Variants in LAMC3 observed in about 807,000 individuals in gnomAD.
The protein encoded by LAMC3 is laminin subunit gamma-3.
Under a neutral mutation model 173.8 loss-of-function variants are expected in LAMC3, and 128 were observed. The observed-to-expected ratio is 0.74, with a 90% CI of 0.64 to 0.85. The LOEUF is 0.85. Among genes scored for constraint, LAMC3 ranks in the 40% least tolerant of loss-of-function variants. LAMC3 has a pLI of 0.00. For synonymous variants in LAMC3, 897 were observed against 909.1 expected (o/e 0.99, Z 0.24); for missense variants, 2,022 against 2,156.0 (o/e 0.94, Z 1.23).
At chr9:131,028,031 A>G (rs1354481339) in intron 2 of LAMC3, among the ~76,000 whole-genome samples, 1 of 152,228 alleles carries the variant, frequency 6.6e-6, no homozygotes, top group Non-Finnish European at 1.5e-5. Context: ...GTACTGGTCC[A>G]TGGCCTGTTA....
chr9:131,063,172 G>A (rs1484086950), intron 13 of LAMC3, among the ~76,000 whole-genome samples: 4 of 152,238 alleles, frequency 2.6e-5, no homozygotes. Context: ...ACAGCCAACA[G>A]GGCAGGGCAG....
At chr9:131,051,609 C>T (rs985694156) in intron 9 of LAMC3, among the ~76,000 whole-genome samples, 1 of 152,070 alleles carries the variant, frequency 6.6e-6, no homozygotes, top group African/African-American at 2.4e-5. Context: ...GTGATCCACT[C>T]GCCTCAGCCT....
At chr9:131,041,797 A>G in intron 7 of LAMC3, 62 bp downstream of exon 7, 1 of 1,444,900 alleles carries the variant, frequency 6.9e-7, no homozygotes, top group Non-Finnish European at 9.6e-7. Context: ...CTGATGAGGC[A>G]CCAAAGCTGT....
Position 131,052,601 on chromosome 9 carries a change from G to A in LAMC3, c.1741G>A (p.Gly581Ser), listed in dbSNP as rs202042709. Residue 581 changes from glycine (G) to serine (S), a missense_variant, in exon 10 of 28, where the codon GGC (glycine) becomes AGC (serine). Coordinates refer to ENST00000361069, the MANE Select transcript of LAMC3 (RefSeq NM_006059.4). ...LPVQLRLEGT[G>S]LALSLRHSSL... ...TGTACAGCTGAGGCTGGAAGGGACA[G>A]GCTTGGCCCTGTCCCTGAGGCACTC... is the stretch of plus-strand genomic sequence containing the variant. 1.2e-6 allele frequency: 2 copies of A among 1,614,082 alleles called. No individual in the cohort carries two copies. Among genetic ancestry groups the A allele is most frequent in the Non-Finnish European group, 1.7e-6 (2 of 1,179,980 alleles).
Position 131,038,861 on chromosome 9 carries a change from T to C in LAMC3, c.977-3T>C. ...ACACACCTTTCCCCACTCCTGCCCATAGCCTGCAACTGCAGTGGCCGCTCC... is the reference window on the plus strand; with the variant it reads ...ACACACCTTTCCCCACTCCTGCCCACAGCCTGCAACTGCAGTGGCCGCTCC... On this transcript the variant is annotated splice_polypyrimidine_tract_variant and splice_region_variant and intron_variant, in intron 4 of 27. Transcript: ENST00000361069. 6.2e-7 allele frequency: 1 copy of C among 1,612,826 alleles called. No homozygotes were observed. Among genetic ancestry groups the C allele is most frequent in the Non-Finnish European group, 8.5e-7 (1 of 1,179,972 alleles).
At chr9:131,087,381 A>C in intron 25 of LAMC3, 95 bp from the exon 26 acceptor site, 1 of 1,458,504 alleles carries the variant, frequency 6.9e-7, no homozygotes, top group Non-Finnish European at 9.6e-7. Context: ...CCTGGTACAG[A>C]CAACTGCTTG....
Position 131,086,575 on chromosome 9 carries a change from C to CTTTTTTTTTTTTTTTTTTTTTTTT in LAMC3, c.4230+864_4230+865insTTTTTTTTTTTTTTTTTTTTTTTT, listed in dbSNP as rs778812487. Among the ~76,000 whole-genome samples the CTTTTTTTTTTTTTTTTTTTTTTTT allele has an allele frequency of 2.2e-5, 2 of 92,478 alleles. 1 individual carries two copies. 60.7% of individuals were successfully genotyped at this position (92,478 alleles called of 152,430 possible). On this transcript the variant is annotated intron_variant, in intron 25 of 27. Coordinates refer to ENST00000361069, the MANE Select transcript of LAMC3 (RefSeq NM_006059.4). ...GGTGTGTGCCACTGTGCCTGGCTAA[C>CTTTTTTTTTTTTTTTTTTTTTTTT]TTTTTTTTTTTTGCAGAGATGAGGA...
At chr9:131,079,529 C>G (rs1052432969) in intron 23 of LAMC3, among the ~76,000 whole-genome samples, 1 of 152,076 alleles carries the variant, frequency 6.6e-6, no homozygotes, top group African/African-American at 2.4e-5. Flanking sequence ...CCCATCTCTA[C>G]TAAAAATACA....
intron 2 of LAMC3, among the ~76,000 whole-genome samples, chr9:131,027,749 C>G (rs555297128): frequency 1.3e-5 from 2 of 152,332 alleles, no homozygotes; most frequent in South Asian, 4.1e-4. Context: ...GTGCTTGGCA[C>G]GTAGAGCGTG....
intron 6 of LAMC3, among the ~76,000 whole-genome samples, chr9:131,040,255 A>G (rs115816496): frequency 0.041 from 6,271 of 151,498 alleles, 456 homozygotes; most frequent in African/African-American, 0.14. Flanking sequence ...TCTACTCACT[A>G]CAACCTCCGC....
chr9:131,036,195 G>A lies in LAMC3; in HGVS notation c.839G>A (p.Cys280Tyr). The A allele has an allele frequency of 6.2e-7, 1 of 1,613,212 alleles. No homozygotes were observed. The highest frequency in any genetic ancestry group is 8.5e-7 in the Non-Finnish European group (1 of 1,179,900). The change falls in exon 4 of 28, where the codon TGC becomes TAC. Residue 280 changes from cysteine (C) to tyrosine (Y), a missense_variant. Coordinates refer to ENST00000361069, the MANE Select transcript of LAMC3 (RefSeq NM_006059.4). ...AAGTGCAACGGGCATGCCAGCGAGT[G>A]CGGCCCCGACGTGGCAGGCCAGTTG... ...RCKCNGHASE[C>Y]GPDVAGQLAC... is the part of the protein sequence containing the mutation.
At chr9:131,051,869 C>T (rs1834292528) in intron 9 of LAMC3, among the ~76,000 whole-genome samples, 1 of 151,984 alleles carries the variant, frequency 6.6e-6, no homozygotes, top group Non-Finnish European at 1.5e-5. Context: ...CCTCCTGGGT[C>T]ACGAACTTCT....
Position 131,026,559 on chromosome 9 carries a change from C to T in LAMC3, c.648C>T (p.Ala216=). ...CCACCCTGGAGGGCCGGCCCAGCGC[C>T]TACAACTTCGAGGAGAGCCCTGGGC... ...AFSTLEGRPS[A]YNFEESPGLQ... Residue 216 remains alanine (A), a synonymous_variant, in exon 2 of 28, where the codon GCC becomes GCT. Transcript: ENST00000361069. This position sits in a 1 kb window ranked among gnomAD's most constrained non-coding sequence, Gnocchi z 4.8. 6.2e-7 allele frequency: 1 copy of T among 1,605,752 alleles called. No homozygotes were observed.
chr9:131,052,414 C>A, intron 9 of LAMC3, 77 bp from the exon 10 acceptor site: 1 of 1,290,992 alleles, frequency 7.7e-7, no homozygotes, highest in Non-Finnish European at 1.1e-6. Flanking sequence ...TGTTTAGTTG[C>A]CGATAAAATC....
chr9:131,062,950 G>A (rs1301894812), intron 13 of LAMC3, among the ~76,000 whole-genome samples: 1 of 151,522 alleles, frequency 6.6e-6, no homozygotes, highest in East Asian at 1.9e-4. Context: ...TCTCCTCTCT[G>A]TCTCTATGAA....
At chr9:131,027,551 C>T (rs528943262) in intron 2 of LAMC3, among the ~76,000 whole-genome samples, 2 of 152,102 alleles carry the variant, frequency 1.3e-5, no homozygotes, top group East Asian at 3.9e-4. Flanking sequence ...CCACCAGCCA[C>T]CATGAGATGT....
At chr9:131,063,171 A>G (rs1829863301) in intron 13 of LAMC3, among the ~76,000 whole-genome samples, 1 of 152,242 alleles carries the variant, frequency 6.6e-6, no homozygotes, top group South Asian at 2.1e-4. Context: ...AACAGCCAAC[A>G]GGGCAGGGCA....
Position 131,057,104 on chromosome 9 carries a change from C to T in LAMC3, c.2115C>T (p.Val705=). The change falls in exon 12 of 28, where the codon GTC becomes GTT. Residue 705 remains valine, a synonymous_variant. Transcript: ENST00000361069. ...AGGGGGGTCCCTATGCCAGCTGTGT[C>T]CCCTGCACCTGTAACCAGCATGGCA... ...MPQGGPYASC[V]PCTCNQHGTC... 6.2e-7 allele frequency: 1 copy of T among 1,614,146 alleles called. No individual in the cohort carries two copies.
intron 13 of LAMC3, among the ~76,000 whole-genome samples, chr9:131,064,650 C>CGA (rs1829892476): frequency 7.4e-6 from 1 of 134,532 alleles, no homozygotes. Context: ...GGTGAAAGAG[C>CGA]GAGACTCCGT....
Sources: allele counts gnomAD v4.1 joint callset (sites outside exome capture counted in the v4.1 genomes callset), GRCh38; gene constraint gnomAD v4.1.1; non-coding constraint Gnocchi (gnomAD v3.1); transcripts MANE v1.5; gene names NCBI Gene and HGNC (gene_info 2026-07-23, HGNC 2026-07-21).